The following FOXJ3 variants were observed in gnomAD, a reference collection of about 807,000 sequenced individuals.
FOXJ3 encodes forkhead box J3, also known as forkhead box protein J3.
Under a neutral mutation model 76.1 loss-of-function variants are expected in FOXJ3, and 22 were observed. The ratio of observed to expected loss-of-function variants is 0.29; its 90% confidence interval spans 0.21 to 0.41. The LOEUF is 0.41. Ranked by LOEUF, FOXJ3 falls within the 10% of genes least tolerant of loss-of-function variation. The probability of loss-of-function intolerance (pLI) is 1.00; values close to 1 mark genes in which losing one functional copy is unlikely to be tolerated. For synonymous variants in FOXJ3, 269 were observed against 261.2 expected, an observed-to-expected ratio of 1.03 and a Z score of -0.29; for missense variants, 613 against 762.1, an observed-to-expected ratio of 0.80 and a Z score of 2.30.
At chr1:42,249,039 G>A (rs1649800032) in intron 4 of FOXJ3, among the ~76,000 whole-genome samples, 1 of 152,022 alleles carries the variant, frequency 6.6e-6, no homozygotes, top group Non-Finnish European at 1.5e-5. Flanking sequence ...TGCTGAGGAT[G>A]GTGGCTTCCG....
intron 4 of FOXJ3, among the ~76,000 whole-genome samples, chr1:42,244,028 T>C (rs1328692623): frequency 6.6e-6 from 1 of 152,056 alleles, no homozygotes; most frequent in Non-Finnish European, 1.5e-5. Flanking sequence ...CTTTGGAAAC[T>C]CTACAAATAC....
At chr1:42,222,107 A>AGAAGAG (rs1557649859) in intron 5 of FOXJ3, among the ~76,000 whole-genome samples, 2 of 148,954 alleles carry the variant, frequency 1.3e-5, no homozygotes, top group Admixed American at 6.7e-5. Flanking sequence ...AAGAAGAAGA[A>AGAAGAG]GAAATAAAAA....
chr1:42,307,291 C>G (rs1226387342), intron 2 of FOXJ3, among the ~76,000 whole-genome samples: 1 of 152,136 alleles, frequency 6.6e-6, no homozygotes, highest in Non-Finnish European at 1.5e-5. Context: ...CCCAATCTCA[C>G]AGAACCCCTC....
chr1:42,251,960 G>A lies in FOXJ3; in HGVS notation c.444+13155C>T, dbSNP rs534885080. Among the ~76,000 whole-genome samples the A allele has an allele frequency of 1.6e-4, 25 of 152,012 alleles. No homozygotes were observed. In the South Asian group the frequency reaches 1.7e-3, roughly 10 times the overall value. ...TCTCGATCTCCTGACCTCGTGATCC[G>A]CCCATCTCGGCCTCCCAAAGTGCTG... On this transcript the variant is annotated intron_variant, in intron 4 of 12. Transcript: ENST00000361346.
chr1:42,196,163 C>T (rs1455354551), intron 7 of FOXJ3, among the ~76,000 whole-genome samples: 1 of 152,202 alleles, frequency 6.6e-6, no homozygotes, highest in Non-Finnish European at 1.5e-5. Context: ...TGAGCTACTA[C>T]TCGAGTAGTC....
intron 11 of FOXJ3, among the ~76,000 whole-genome samples, chr1:42,186,579 A>T (rs966470708): frequency 1.3e-5 from 2 of 152,152 alleles, no homozygotes; most frequent in African/African-American, 4.8e-5. Context: ...ACCAAGGTCA[A>T]GGCTCAAGAA....
intron 4 of FOXJ3, 45 bp downstream of exon 4, chr1:42,265,070 G>A (rs968614607): frequency 3.5e-6 from 4 of 1,147,298 alleles, no homozygotes; most frequent in Non-Finnish European, 1.3e-6. Context: ...AACATGACAA[G>A]TGACATACTG....
intron 11 of FOXJ3, among the ~76,000 whole-genome samples, chr1:42,187,788 T>G (rs911330254): frequency 1.4e-4 from 21 of 152,210 alleles, no homozygotes; most frequent in African/African-American, 4.6e-4. Context: ...GGATGTAATT[T>G]ACTGAATGAA....
chr1:42,257,944 G>A (rs969602356), intron 4 of FOXJ3, among the ~76,000 whole-genome samples: 1 of 152,042 alleles, frequency 6.6e-6, no homozygotes, highest in Non-Finnish European at 1.5e-5. Flanking sequence ...GTTGAAAATA[G>A]CCTAACAAAA....
At chr1:42,254,146 TGGG>T (rs1650365839) in intron 4 of FOXJ3, among the ~76,000 whole-genome samples, 1 of 151,898 alleles carries the variant, frequency 6.6e-6, no homozygotes, top group Non-Finnish European at 1.5e-5. Flanking sequence ...CATCAAAAAG[TGGG>T]CGAAGGATAT....
intron 4 of FOXJ3, among the ~76,000 whole-genome samples, chr1:42,231,569 G>C (rs143546349): frequency 2.3e-4 from 35 of 152,324 alleles, no homozygotes; most frequent in Non-Finnish European, 5.1e-4. Flanking sequence ...AACTGCACAA[G>C]AATGTGAATG....
At chr1:42,331,292 G>A (rs945295855) in intron 1 of FOXJ3, among the ~76,000 whole-genome samples, 2 of 152,072 alleles carry the variant, frequency 1.3e-5, no homozygotes, top group Admixed American at 6.5e-5. Flanking sequence ...TGAGGTGGGA[G>A]AATCGCTTGA....
At chr1:42,283,857 T>G (rs1385350592) in intron 2 of FOXJ3, among the ~76,000 whole-genome samples, 1 of 152,162 alleles carries the variant, frequency 6.6e-6, no homozygotes, top group Admixed American at 6.5e-5. Context: ...TGTTCTTACC[T>G]TTTACCTTAG....
intron 6 of FOXJ3, among the ~76,000 whole-genome samples, chr1:42,201,034 G>A (rs895425404): frequency 6.6e-6 from 1 of 151,880 alleles, no homozygotes; most frequent in Non-Finnish European, 1.5e-5. Flanking sequence ...TTTAAGCCAA[G>A]GTATTTGATG....
chr1:42,194,153 T>C (rs1191448758), intron 8 of FOXJ3, among the ~76,000 whole-genome samples: 1 of 152,206 alleles, frequency 6.6e-6, no homozygotes, highest in Non-Finnish European at 1.5e-5. Flanking sequence ...GGGGTGTAAA[T>C]AGTTAATGTG....
intron 3 of FOXJ3, among the ~76,000 whole-genome samples, chr1:42,267,271 C>T (rs182339117): frequency 1.3e-5 from 2 of 152,062 alleles, no homozygotes; most frequent in South Asian, 2.1e-4. Flanking sequence ...GACGAGAAAT[C>T]CCCATGTGTA....
rs376780053 is a variant in FOXJ3, at chr1:42,245,682, C to T, written c.445-17716G>A. Among the ~76,000 whole-genome samples, 15 of 150,262 alleles carry T rather than the reference C, an allele frequency of 1.0e-4. No individual in the cohort carries two copies. In the East Asian group the frequency reaches 2.8e-3, roughly 28 times the overall value. On this transcript the variant is annotated intron_variant, in intron 4 of 12. Coordinates refer to ENST00000361346, the MANE Select transcript of FOXJ3 (RefSeq NM_014947.5). ...AAAACACACCTCAACATAATAAAGG[C>T]CATTTATGACAAACCCACAGCTAAC...
chr1:42,237,423 T>TATATAC (rs757981088), intron 4 of FOXJ3, among the ~76,000 whole-genome samples: 1 of 116,744 alleles, frequency 8.6e-6, no homozygotes, highest in Non-Finnish European at 1.9e-5. Context: ...TATATATATA[T>TATATAC]ATATACATAC....
intron 5 of FOXJ3, among the ~76,000 whole-genome samples, chr1:42,213,486 GAC>G (rs1344076057): frequency 1.4e-5 from 2 of 138,708 alleles, no homozygotes; most frequent in Non-Finnish European, 3.2e-5. Flanking sequence ...AAAAAAAAAA[GAC>G]ACGATTATAT....
Sources: allele counts gnomAD v4.1 joint callset (sites outside exome capture counted in the v4.1 genomes callset), GRCh38; gene constraint gnomAD v4.1.1; transcripts MANE v1.5; gene names NCBI Gene and HGNC (gene_info 2026-07-23, HGNC 2026-07-21).